The following SLC38A6 variants were observed in gnomAD, a reference collection of about 807,000 sequenced individuals.
SLC38A6 encodes N system amino acid transporter NAT-1.
In SLC38A6, 73 loss-of-function variants were observed where a neutral mutation model predicts 65.0. The observed-to-expected ratio is 1.12, with a 90% CI of 0.93 to 1.37. SLC38A6 has a LOEUF of 1.37. Ranked by LOEUF, SLC38A6 falls within the 40% of genes most tolerant of loss-of-function variation. SLC38A6 has a pLI of 0.00. For missense variants in SLC38A6, 561 were observed against 531.1 expected (o/e 1.06, Z -0.55); for synonymous variants, 183 against 178.8 (o/e 1.02, Z -0.19).
chr14:61,029,304 C>T (rs959950467), intron 5 of SLC38A6, among the ~76,000 whole-genome samples: 1 of 152,028 alleles, frequency 6.6e-6, no homozygotes, highest in Admixed American at 6.6e-5. Flanking sequence ...TTGCAGGCAA[C>T]TGCCACCACG....
Position 60,982,576 on chromosome 14 carries a change from C to T in SLC38A6, c.174C>T (p.Ile58=), listed in dbSNP as rs373191850. ...GLSVFNLMNA[I]MGSGILGLAY... ...CAGTGTTTAATTTGATGAATGCCAT[C>T]ATGGGAAGTGGCATCCTTGGCTTAG... The change falls in exon 2 of 16, where the codon ATC becomes ATT. Residue 58 remains isoleucine (I), a synonymous_variant. Coordinates refer to ENST00000267488, the MANE Select transcript of SLC38A6 (RefSeq NM_153811.3). 1.5e-5 allele frequency: 25 copies of T among 1,613,940 alleles called. No individual in the cohort carries two copies. The highest frequency in any genetic ancestry group is 1.2e-5 in the Non-Finnish European group (14 of 1,179,910).
At position 60,982,625 on chromosome 14, in the gene SLC38A6, G is replaced by A; in HGVS notation, c.223G>A (p.Val75Ile). The change falls in exon 2 of 16, where the codon GTC becomes ATC. Residue 75 changes from valine (V) to isoleucine (I), a missense_variant. Val to Ile is a conservative substitution (Grantham distance 29, BLOSUM62 3). Coordinates refer to ENST00000267488, the MANE Select transcript of SLC38A6 (RefSeq NM_153811.3). The stretch of plus-strand genomic sequence containing the variant: ...AGCTTATGTTTTGGCTAATACCGGT[G>A]TCTTTGGATTTAGGTGAGTCTTCAT... ...GLAYVLANTGVFGFSFLLLTV... is the reference protein window; with the variant it reads ...GLAYVLANTGIFGFSFLLLTV... The A allele has an allele frequency of 1.2e-6, 2 of 1,608,602 alleles. No individual in the cohort carries two copies. The highest frequency in any genetic ancestry group is 8.5e-7 in the Non-Finnish European group (1 of 1,178,584).
chr14:61,077,368 G>A (rs955832958), intron 15 of SLC38A6, among the ~76,000 whole-genome samples: 7 of 152,078 alleles, frequency 4.6e-5, no homozygotes, highest in Non-Finnish European at 1.0e-4. Context: ...TACAAAATTC[G>A]TTGATGACCT....
At chr14:61,016,681 T>G (rs1157754858) in intron 4 of SLC38A6, among the ~76,000 whole-genome samples, 1 of 152,224 alleles carries the variant, frequency 6.6e-6, no homozygotes, top group Non-Finnish European at 1.5e-5. Flanking sequence ...TTTTTTAATT[T>G]CTGAAGAACT....
At chr14:61,076,909 G>A (rs2043439502) in intron 15 of SLC38A6, among the ~76,000 whole-genome samples, 3 of 152,154 alleles carry the variant, frequency 2.0e-5, no homozygotes, top group Admixed American at 6.5e-5. Flanking sequence ...GATGTCTTAC[G>A]AAACAATGTC....
chr14:61,010,835 C>T (rs2039505544), intron 3 of SLC38A6, among the ~76,000 whole-genome samples: 1 of 152,096 alleles, frequency 6.6e-6, no homozygotes, highest in South Asian at 2.1e-4. Flanking sequence ...CAGCTTTGTT[C>T]TTTTGGCTTA....
At chr14:60,994,217 GA>G (rs778459003) in intron 3 of SLC38A6, among the ~76,000 whole-genome samples, 1 of 152,192 alleles carries the variant, frequency 6.6e-6, no homozygotes, top group Non-Finnish European at 1.5e-5. Context: ...TTTAAAAACT[GA>G]TATATTTGTA....
intron 16 of SLC38A6, among the ~76,000 whole-genome samples, chr14:61,080,375 T>A (rs945755396): frequency 4.6e-5 from 7 of 152,304 alleles, no homozygotes; most frequent in Non-Finnish European, 8.8e-5. Context: ...GGCACACTTT[T>A]TTCTCCAGGT....
intron 3 of SLC38A6, among the ~76,000 whole-genome samples, chr14:61,013,753 A>C (rs1361414485): frequency 1.3e-5 from 2 of 152,298 alleles, no homozygotes; most frequent in South Asian, 2.1e-4. Flanking sequence ...CCAAGAGATC[A>C]GCTGTTAGTC....
chr14:60,988,511 T>A (rs941676094), intron 3 of SLC38A6, among the ~76,000 whole-genome samples: 2 of 152,198 alleles, frequency 1.3e-5, no homozygotes, highest in African/African-American at 4.8e-5. Flanking sequence ...CTAATGATCA[T>A]ATTCTCTACC....
rs1162733435 is a variant in SLC38A6 at position 61,050,600 on chromosome 14, T to G, written c.1014T>G (p.Phe338Leu). Residue 338 changes from phenylalanine (F) to leucine (L), a missense_variant, in exon 13 of 16, where the codon TTT becomes TTG. Phe to Leu is a conservative substitution (Grantham distance 22). Coordinates refer to ENST00000267488, the MANE Select transcript of SLC38A6 (RefSeq NM_153811.3). Reference protein sequence around the residue: ...VVMTVKLCILFAVLLTVPLIH... With the variant: ...VVMTVKLCILLAVLLTVPLIH... ...TGACTGTGAAGTTATGCATACTATTTGCTGTGCTTTTGACAGTCCCTCTAA... is the reference window on the plus strand; with the variant it reads ...TGACTGTGAAGTTATGCATACTATTGGCTGTGCTTTTGACAGTCCCTCTAA... 6.3e-7 allele frequency: 1 copy of G among 1,599,244 alleles called. No individual in the cohort carries two copies. Among genetic ancestry groups the G allele is most frequent in the East Asian group, 2.2e-5 (1 of 44,608 alleles).
chr14:61,043,710 T>G (rs1473289657), intron 10 of SLC38A6, among the ~76,000 whole-genome samples: 1 of 150,678 alleles, frequency 6.6e-6, no homozygotes, highest in African/African-American at 2.4e-5. Flanking sequence ...TTTTTTTTTT[T>G]TTTTTTCCTG....
At chr14:61,019,391 G>A in intron 4 of SLC38A6, 150 bp from the exon 5 acceptor site, 1 of 598,518 alleles carries the variant, frequency 1.7e-6, no homozygotes, top group Non-Finnish European at 2.9e-6. Flanking sequence ...TTAATTTTAT[G>A]TATTTCAAAT....
intron 3 of SLC38A6, among the ~76,000 whole-genome samples, chr14:60,995,082 C>T (rs2038191581): frequency 6.6e-6 from 1 of 150,478 alleles, no homozygotes; most frequent in South Asian, 2.1e-4. Context: ...TAAATGTATA[C>T]TGTCAAGTGA....
Position 61,043,224 on chromosome 14 carries a change from T to G in SLC38A6, c.690+12T>G, listed in dbSNP as rs1379827137. 4.2e-6 allele frequency: 6 copies of G among 1,429,492 alleles called. No individual in the cohort carries two copies. Among genetic ancestry groups the G allele is most frequent in the Middle Eastern group, 1.8e-4 (1 of 5,586 alleles). 88.6% of individuals were successfully genotyped at this position (1,429,492 alleles called of 1,614,324 possible). ...AGAAAGGTTTCCAGGTAATAGCTTATATTTTCTTTTCAGTTTCTTCCTTTT... is the reference window on the plus strand; with the variant it reads ...AGAAAGGTTTCCAGGTAATAGCTTAGATTTTCTTTTCAGTTTCTTCCTTTT... On this transcript the variant is annotated intron_variant, in intron 9 of 15. Transcript: ENST00000267488.
intron 5 of SLC38A6, among the ~76,000 whole-genome samples, chr14:61,023,395 AC>A (rs1195737256): frequency 6.6e-6 from 1 of 151,806 alleles, no homozygotes; most frequent in Non-Finnish European, 1.5e-5. Context: ...ACATGGTGAA[AC>A]CCAGTCTCTA....
At chr14:61,001,223 G>A (rs1166826524) in intron 3 of SLC38A6, among the ~76,000 whole-genome samples, 3 of 152,164 alleles carry the variant, frequency 2.0e-5, no homozygotes, top group Admixed American at 1.3e-4. Context: ...GTAAAGGCCA[G>A]GAATGATGCT....
chr14:60,989,912 T>G (rs1439193041), intron 3 of SLC38A6, among the ~76,000 whole-genome samples: 1 of 152,204 alleles, frequency 6.6e-6, no homozygotes, highest in African/African-American at 2.4e-5. Flanking sequence ...CACGCTTTCC[T>G]AGTTCTTCCT....
intron 5 of SLC38A6, among the ~76,000 whole-genome samples, chr14:61,026,148 G>GT (rs989618686): frequency 1.3e-5 from 2 of 151,768 alleles, no homozygotes; most frequent in Admixed American, 6.6e-5. Flanking sequence ...GGGTTGGTTT[G>GT]TTTTTTTTAA....
Sources: allele counts gnomAD v4.1 joint callset (sites outside exome capture counted in the v4.1 genomes callset), GRCh38; gene constraint gnomAD v4.1.1; transcripts MANE v1.5; gene names NCBI Gene and HGNC (gene_info 2026-07-23, HGNC 2026-07-21).